CYB5R4: variants seen among roughly 807,000 people sequenced by gnomAD.
CYB5R4 encodes cytochrome b5 reductase 4.
In CYB5R4, 55 loss-of-function variants were observed where a neutral mutation model predicts 70.2. That is an observed-to-expected ratio of 0.78 (90% confidence interval 0.63 to 0.98). CYB5R4 has a LOEUF of 0.98. Among genes scored for constraint, CYB5R4 ranks in the 50% least tolerant of loss-of-function variants. The pLI is 0.00. For missense variants in CYB5R4, 562 were observed against 612.6 expected (o/e 0.92, Z 0.87); for synonymous variants, 197 against 199.5 (o/e 0.99, Z 0.11).
chr6:83,957,655 A>T (rs747098528), intron 15 of CYB5R4, among the ~76,000 whole-genome samples: 6 of 151,046 alleles, frequency 4.0e-5, no homozygotes, highest in Non-Finnish European at 7.4e-5. Context: ...AATTGACCAG[A>T]ACCTATATGG....
Position 83,938,838 on chromosome 6 carries a change from T to A in CYB5R4, c.1109-1218T>A, listed in dbSNP as rs61756906. On this transcript the variant is annotated intron_variant, in intron 12 of 15. Coordinates refer to ENST00000369681, the MANE Select transcript of CYB5R4 (RefSeq NM_016230.4). ...ATGAGGAGCTTCTATTATTATTATT[T>A]TTTTTTTTTTGAGATGGAGTTTTGC... is the stretch of plus-strand genomic sequence containing the variant. Among the ~76,000 whole-genome samples, 1,373 of 150,814 alleles carry A rather than the reference T, an allele frequency of 9.1e-3. 5 individuals are homozygous for A. Among genetic ancestry groups the A allele is most frequent in the Non-Finnish European group, 0.01 (694 of 67,912 alleles).
In CYB5R4 at chr6:83,915,557, C is replaced by T. The variant is rs189488219; in HGVS notation, c.445+1109C>T. On this transcript the variant is annotated intron_variant, in intron 5 of 15. Transcript: ENST00000369681. ...GGCATTTTCTTTCCACCACATGTGG[C>T]TTCCAGAACCTGTACTTTTCTGTTG... Among the ~76,000 whole-genome samples the T allele has an allele frequency of 8.5e-5, 13 of 152,310 alleles. No individual in the cohort carries two copies. In the East Asian group the frequency reaches 2.5e-3, roughly 29 times the overall value.
intron 5 of CYB5R4, among the ~76,000 whole-genome samples, chr6:83,916,844 T>G (rs1431404927): frequency 3.3e-5 from 5 of 152,224 alleles, no homozygotes; most frequent in Admixed American, 6.5e-5. Flanking sequence ...GTCTTGCAAC[T>G]CTTAAATTTA....
At position 83,919,397 on chromosome 6, in the gene CYB5R4, C is replaced by G. The variant is rs2099466007; in HGVS notation, c.507C>G (p.Ser169Arg). The change falls in exon 7 of 16, where the codon AGC becomes AGG. Residue 169 changes from serine to arginine, a missense_variant and splice_region_variant. Transcript: ENST00000369681. The stretch of plus-strand genomic sequence containing the variant: ...TCATCCTTTTATTTATATTTTACAG[C>G]TATGATTGGTTCCAAACAGACTCTT... The part of the protein sequence containing the change: ...TLAKEGPSYP[S>R]YDWFQTDSLV... The G allele has an allele frequency of 6.8e-7, 1 of 1,471,572 alleles. No homozygotes were observed. Among genetic ancestry groups the G allele is most frequent in the Admixed American group, 2.0e-5 (1 of 50,394 alleles). 91.2% of individuals were successfully genotyped at this position (1,471,572 alleles called of 1,614,324 possible). A position where few individuals can be genotyped will look rare whatever the true frequency, so the allele number is the denominator to read the frequency against.
chr6:83,866,400 T>C (rs898942605), intron 2 of CYB5R4, among the ~76,000 whole-genome samples: 1 of 152,192 alleles, frequency 6.6e-6, no homozygotes, highest in Non-Finnish European at 1.5e-5. Flanking sequence ...TACTTACTGG[T>C]TGAGCATCCC....
At chr6:83,904,192 C>G (rs1313870412) in intron 3 of CYB5R4, among the ~76,000 whole-genome samples, 2 of 152,046 alleles carry the variant, frequency 1.3e-5, no homozygotes, top group Non-Finnish European at 2.9e-5. Flanking sequence ...TAAACTTCCC[C>G]CTTAGATACT....
intron 1 of CYB5R4, among the ~76,000 whole-genome samples, chr6:83,861,360 C>T (rs1304736297): frequency 3.9e-5 from 6 of 152,274 alleles, no homozygotes; most frequent in Admixed American, 3.9e-4. Flanking sequence ...AAAACTGAGT[C>T]AGGTTTGGAT....
At chr6:83,894,929 G>A (rs1303757509) in intron 3 of CYB5R4, among the ~76,000 whole-genome samples, 1 of 152,070 alleles carries the variant, frequency 6.6e-6, no homozygotes, top group African/African-American at 2.4e-5. Context: ...ATATGTAAAT[G>A]GACTCGGTTG....
chr6:83,948,136 A>T (rs1282896089), intron 14 of CYB5R4, among the ~76,000 whole-genome samples: 2 of 152,282 alleles, frequency 1.3e-5, no homozygotes, highest in East Asian at 3.9e-4. Context: ...TCCATCAATG[A>T]TAGACTGGAT....
At chr6:83,898,098 A>C (rs554490617) in intron 3 of CYB5R4, among the ~76,000 whole-genome samples, 1 of 151,822 alleles carries the variant, frequency 6.6e-6, no homozygotes, top group South Asian at 2.1e-4. Flanking sequence ...TTAAAGACTT[A>C]AAAACATTTA....
Position 83,956,174 on chromosome 6 carries a change from T to C in CYB5R4, c.1511+712T>C, listed in dbSNP as rs557785308. Among the ~76,000 whole-genome samples, 8 of 152,278 alleles carry C rather than the reference T, an allele frequency of 5.3e-5. No individual in the cohort carries two copies. The East Asian group carries it at 1.4e-3, about 26-fold the overall frequency. ...AAAAAGTCAAACTCTGTAAAATCTT[T>C]GAAGAGATTTATTCTGAGCCAAATA... is the stretch of plus-strand genomic sequence containing the variant. On this transcript the variant is annotated intron_variant, in intron 15 of 15. Coordinates refer to ENST00000369681, the MANE Select transcript of CYB5R4 (RefSeq NM_016230.4).
chr6:83,957,655 A>C (rs747098528), intron 15 of CYB5R4, among the ~76,000 whole-genome samples: 1 of 151,046 alleles, frequency 6.6e-6, no homozygotes, highest in African/African-American at 2.4e-5. Context: ...AATTGACCAG[A>C]ACCTATATGG....
intron 2 of CYB5R4, among the ~76,000 whole-genome samples, chr6:83,884,210 A>G (rs910921166): frequency 2.0e-5 from 3 of 151,998 alleles, no homozygotes; most frequent in Non-Finnish European, 2.9e-5. Flanking sequence ...TATCTTAATT[A>G]TAGATAATAT....
In CYB5R4 at chr6:83,964,492, C is replaced by G. The variant is rs1017852394; in HGVS notation, c.*4614C>G. 6.5e-6 allele frequency: 1 copy of G among 152,742 alleles called. No homozygotes were observed. The highest frequency in any genetic ancestry group is 1.5e-5 in the Non-Finnish European group (1 of 68,522). 9.5% of individuals were successfully genotyped at this position (152,742 alleles called of 1,614,324 possible). ...TAAGGGTATCTGGTGGAAGAAATTT[C>G]TAAGCAGCAAAGCATTCAAGAGGTG... On this transcript the variant is annotated 3_prime_UTR_variant, in exon 16 of 16. Coordinates refer to ENST00000369681, the MANE Select transcript of CYB5R4 (RefSeq NM_016230.4).
At chr6:83,895,353 A>G (rs2099461704) in intron 3 of CYB5R4, among the ~76,000 whole-genome samples, 1 of 151,932 alleles carries the variant, frequency 6.6e-6, no homozygotes, top group Non-Finnish European at 1.5e-5. Flanking sequence ...TTTAGTAGAG[A>G]TGGGGTTTCG....
chr6:83,898,932 T>C (rs1398061726), intron 3 of CYB5R4, among the ~76,000 whole-genome samples: 1 of 152,242 alleles, frequency 6.6e-6, no homozygotes. Context: ...TGACTTCCTC[T>C]TTTCCTAATT....
intron 3 of CYB5R4, among the ~76,000 whole-genome samples, chr6:83,900,539 A>G (rs1588569610): frequency 1.3e-5 from 2 of 151,720 alleles, no homozygotes; most frequent in Admixed American, 6.6e-5. Context: ...TTTCTGTCTC[A>G]TTGATCTGTC....
Position 83,959,958 on chromosome 6 carries a change from G to C in CYB5R4, c.*80G>C. The C allele has an allele frequency of 1.8e-6, 2 of 1,109,706 alleles. No individual in the cohort carries two copies. The highest frequency in any genetic ancestry group is 2.5e-6 in the Non-Finnish European group (2 of 791,456). The allele number at this position is 1,109,706 out of a possible 1,614,324, so 68.7% of individuals were successfully genotyped here. A position where few individuals can be genotyped will look rare whatever the true frequency, so the allele number is the denominator to read the frequency against. On this transcript the variant is annotated 3_prime_UTR_variant, in exon 16 of 16. Transcript: ENST00000369681. The stretch of plus-strand genomic sequence containing the variant: ...TAGGGTTTTTTAAGAGAACATTTTT[G>C]TACATAACAAAAGGTTAACTAGAAT...
chr6:83,940,834 T>C (rs935469495), intron 14 of CYB5R4, among the ~76,000 whole-genome samples: 1 of 152,178 alleles, frequency 6.6e-6, no homozygotes, highest in Non-Finnish European at 1.5e-5. Context: ...CATATTGGGC[T>C]TTATGATCAT....
Sources: gnomAD v4.1 joint callset for allele counts (sites outside exome capture counted in the v4.1 genomes callset) on GRCh38, gnomAD v4.1.1 for gene constraint, MANE v1.5 for transcripts, NCBI Gene and HGNC (gene_info 2026-07-23, HGNC 2026-07-21) for gene names.